TRPC6: variants seen among roughly 807,000 people sequenced by gnomAD.
TRPC6 encodes transient receptor potential cation channel subfamily C member 6, also known as short transient receptor potential channel 6.
In TRPC6, 55 loss-of-function variants were observed where a neutral mutation model predicts 90.7. That is an observed-to-expected ratio of 0.61 (90% CI 0.49 to 0.76). The LOEUF (loss-of-function observed/expected upper bound fraction) is 0.76. Ranked by LOEUF, TRPC6 falls within the 30% of genes least tolerant of loss-of-function variation. The probability of loss-of-function intolerance (pLI) is 0.00; values close to 1 mark genes in which losing one functional copy is unlikely to be tolerated. For synonymous variants in TRPC6, 393 were observed against 393.0 expected (o/e 1.00, Z 0.00); for missense variants, 989 against 1,122.7 (o/e 0.88, Z 1.70).
At chr11:101,559,681 C>T (rs920305933) in intron 1 of TRPC6, among the ~76,000 whole-genome samples, 2 of 151,044 alleles carry the variant, frequency 1.3e-5, no homozygotes, top group East Asian at 1.9e-4. Flanking sequence ...ATGTGCACAA[C>T]GTGCAGGTTT....
chr11:101,520,693 G>T (rs1860638597), intron 1 of TRPC6, among the ~76,000 whole-genome samples: 1 of 152,162 alleles, frequency 6.6e-6, no homozygotes, highest in Non-Finnish European at 1.5e-5. Context: ...ATAGTGATAT[G>T]GACAATGAAG....
intron 1 of TRPC6, among the ~76,000 whole-genome samples, chr11:101,572,831 G>T (rs1459509087): frequency 6.6e-6 from 1 of 152,052 alleles, no homozygotes; most frequent in Non-Finnish European, 1.5e-5. Context: ...ACACAGGCAG[G>T]GGAACTTCAC....
chr11:101,582,497 A>C (rs979447994), intron 1 of TRPC6, among the ~76,000 whole-genome samples: 1 of 152,098 alleles, frequency 6.6e-6, no homozygotes, highest in Non-Finnish European at 1.5e-5. Context: ...GTGTCGGGGA[A>C]GCGGAGTCTT....
At chr11:101,535,175 AAAGGAAGGAAGGAAGG>A (rs199866910) in intron 1 of TRPC6, among the ~76,000 whole-genome samples, 4,082 of 129,558 alleles carry the variant, frequency 0.032, 93 homozygotes, top group Non-Finnish European at 0.033. Context: ...GAAAGAAAAG[AAAGGAAGGAAGGAAGG>A]AAGGAAGGAA....
chr11:101,459,094 G>A (rs1428113524), intron 10 of TRPC6, among the ~76,000 whole-genome samples: 1 of 152,228 alleles, frequency 6.6e-6, no homozygotes, highest in African/African-American at 2.4e-5. Context: ...ACCAAGCCAT[G>A]TGAAATGTGT....
chr11:101,516,075 T>C (rs1019171591), intron 1 of TRPC6, among the ~76,000 whole-genome samples: 2 of 151,034 alleles, frequency 1.3e-5, no homozygotes, highest in Admixed American at 6.6e-5. Context: ...TTGGGGGCTT[T>C]TGTTTTCTGA....
At chr11:101,472,055 G>A (rs779240128) in intron 8 of TRPC6, 82 bp downstream of exon 8, 55 of 1,360,478 alleles carry the variant, frequency 4.0e-5, no homozygotes, top group Admixed American at 1.5e-4. Flanking sequence ...AGCAGTCCAT[G>A]CTTTCATCCC....
chr11:101,471,844 G>A (rs1295398150), intron 8 of TRPC6, among the ~76,000 whole-genome samples: 1 of 152,066 alleles, frequency 6.6e-6, no homozygotes, highest in Non-Finnish European at 1.5e-5. Context: ...ATAATTTTTT[G>A]AATAAAATAT....
At chr11:101,454,415 C>G (rs1045408668) in intron 11 of TRPC6, among the ~76,000 whole-genome samples, 2 of 151,842 alleles carry the variant, frequency 1.3e-5, no homozygotes, top group South Asian at 2.1e-4. Context: ...GTTCATAGAA[C>G]TAGTTATATA....
rs1861414459 is a variant in TRPC6 at position 101,549,952 on chromosome 11, G to T, written c.170+33382C>A. 2.0e-5 allele frequency among the ~76,000 whole-genome samples: 3 copies of T among 151,414 alleles called. No homozygotes were observed. In the South Asian group the frequency reaches 6.2e-4, roughly 31 times the overall value. On this transcript the variant is annotated intron_variant, in intron 1 of 12. Transcript: ENST00000344327. Reference sequence around the variant, plus strand: ...ATACTGAGTTAGCAGTATAAAGAATGATATCAAAAGTATACAAGACTGATA... The same window carrying T: ...ATACTGAGTTAGCAGTATAAAGAATTATATCAAAAGTATACAAGACTGATA...
intron 1 of TRPC6, among the ~76,000 whole-genome samples, chr11:101,515,538 C>G (rs1316553142): frequency 6.6e-6 from 1 of 152,120 alleles, no homozygotes; most frequent in Non-Finnish European, 1.5e-5. Flanking sequence ...TTTTATGCAT[C>G]TACAAATGAA....
intron 1 of TRPC6, among the ~76,000 whole-genome samples, chr11:101,572,560 T>TA (rs1861986113): frequency 6.6e-6 from 1 of 152,184 alleles, no homozygotes; most frequent in Non-Finnish European, 1.5e-5. Flanking sequence ...CATGCACACA[T>TA]ATGTTTATTG....
At chr11:101,529,142 A>T (rs1053696640) in intron 1 of TRPC6, among the ~76,000 whole-genome samples, 5 of 152,186 alleles carry the variant, frequency 3.3e-5, no homozygotes, top group Non-Finnish European at 5.9e-5. Context: ...ACAGGGGTTC[A>T]CAGATCAAAC....
intron 1 of TRPC6, among the ~76,000 whole-genome samples, chr11:101,547,575 A>C (rs889061391): frequency 6.6e-6 from 1 of 152,202 alleles, no homozygotes; most frequent in African/African-American, 2.4e-5. Flanking sequence ...CCATGCCCCC[A>C]GTATATCAAT....
intron 2 of TRPC6, among the ~76,000 whole-genome samples, chr11:101,498,906 T>G (rs1254407163): frequency 7.8e-6 from 1 of 128,008 alleles, no homozygotes; most frequent in Non-Finnish European, 1.7e-5. Context: ...CCAGCTACTA[T>G]AAACCCTGAA....
intron 1 of TRPC6, among the ~76,000 whole-genome samples, chr11:101,572,619 C>T (rs891403578): frequency 1.3e-5 from 2 of 152,130 alleles, no homozygotes; most frequent in Non-Finnish European, 2.9e-5. Context: ...AAATGCCCAT[C>T]AATTATAGAC....
In TRPC6 at chr11:101,528,911, G is replaced by C. The variant is rs564406384; in HGVS notation, c.171-24113C>G. 7.2e-5 allele frequency among the ~76,000 whole-genome samples: 11 copies of C among 152,066 alleles called. No individual in the cohort carries two copies. The South Asian group carries it at 2.3e-3, about 32-fold the overall frequency. ...CATCTGGAATCATGAAAATATTAATGATTCTTCCCAAGCCATATATTCTGG... is the reference window on the plus strand; with the variant it reads ...CATCTGGAATCATGAAAATATTAATCATTCTTCCCAAGCCATATATTCTGG... On this transcript the variant is annotated intron_variant, in intron 1 of 12. Transcript: ENST00000344327.
At chr11:101,541,699 C>T (rs1330974916) in intron 1 of TRPC6, among the ~76,000 whole-genome samples, 1 of 152,194 alleles carries the variant, frequency 6.6e-6, no homozygotes, top group African/African-American at 2.4e-5. Context: ...TGCTGAAGAA[C>T]ACCTTGGAGG....
At chr11:101,528,534 G>A (rs1481794192) in intron 1 of TRPC6, among the ~76,000 whole-genome samples, 1 of 152,116 alleles carries the variant, frequency 6.6e-6, no homozygotes, top group East Asian at 1.9e-4. Context: ...TATATTACAT[G>A]AGGCAACACA....
Sources: gnomAD v4.1 joint callset for allele counts (sites outside exome capture counted in the v4.1 genomes callset) on GRCh38, gnomAD v4.1.1 for gene constraint, MANE v1.5 for transcripts, NCBI Gene and HGNC (gene_info 2026-07-23, HGNC 2026-07-21) for gene names.